DDAH1: variants seen among roughly 807,000 people sequenced by gnomAD.
DDAH1 encodes the protein N(G),N(G)-dimethylarginine dimethylaminohydrolase 1.
In DDAH1, 19 loss-of-function variants were observed where a neutral mutation model predicts 28.8. The ratio of observed to expected loss-of-function variants is 0.66; its 90% CI spans 0.46 to 0.97. The LOEUF is 0.97. Ranked by LOEUF, DDAH1 falls within the 50% of genes least tolerant of loss-of-function variation. DDAH1 has a pLI of 0.00. For missense variants in DDAH1, 326 were observed against 375.9 expected (o/e 0.87, Z 1.10); for synonymous variants, 153 against 154.4 (o/e 0.99, Z 0.07).
chr1:85,372,835 C>G (rs1158372517), intron 1 of DDAH1, among the ~76,000 whole-genome samples: 1 of 151,944 alleles, frequency 6.6e-6, no homozygotes, highest in East Asian at 1.9e-4. Flanking sequence ...TTCCTTGAAC[C>G]AAGGCAGAGC....
chr1:85,501,634 A>G (rs1322238271), intron 1 of DDAH1, among the ~76,000 whole-genome samples: 11 of 152,142 alleles, frequency 7.2e-5, no homozygotes, highest in Non-Finnish European at 1.6e-4. Flanking sequence ...AGCAACCATT[A>G]TCAACTTGGG....
At chr1:85,415,005 C>CTTTTTTTTTTTTTTTTT (rs71727580) in intron 1 of DDAH1, among the ~76,000 whole-genome samples, 1 of 57,566 alleles carries the variant, frequency 1.7e-5, no homozygotes, top group African/African-American at 6.4e-5. Context: ...TCAAGTGTTG[C>CTTTTTTTTTTTTTTTTT]TTTTTTTTTT....
intron 4 of DDAH1, among the ~76,000 whole-genome samples, chr1:85,342,692 T>A (rs944542037): frequency 2.0e-5 from 3 of 152,350 alleles, no homozygotes; most frequent in Middle Eastern, 3.4e-3. Flanking sequence ...TCGGGATATG[T>A]TATTTTGCAC....
chr1:85,572,034 C>T (rs1659472468), intron 1 of DDAH1, among the ~76,000 whole-genome samples: 1 of 152,128 alleles, frequency 6.6e-6, no homozygotes, highest in African/African-American at 2.4e-5. Context: ...TAACCACAGG[C>T]TGTGGGAGGT....
chr1:85,427,170 A>T (rs900430671), intron 1 of DDAH1, among the ~76,000 whole-genome samples: 4 of 151,962 alleles, frequency 2.6e-5, no homozygotes, highest in African/African-American at 9.7e-5. Context: ...AAGAGAATAC[A>T]GGTCTCTGAT....
chr1:85,346,412 G>T (rs1404465533), intron 4 of DDAH1, among the ~76,000 whole-genome samples: 1 of 152,152 alleles, frequency 6.6e-6, no homozygotes, highest in African/African-American at 2.4e-5. Context: ...TCAGGAGATA[G>T]GTGGAAAGAC....
chr1:85,430,032 C>T (rs1284699822), intron 1 of DDAH1, among the ~76,000 whole-genome samples: 1 of 151,840 alleles, frequency 6.6e-6, no homozygotes, highest in African/African-American at 2.4e-5. Context: ...TCAATTTTGG[C>T]AAATTTGTCA....
intron 1 of DDAH1, among the ~76,000 whole-genome samples, chr1:85,418,974 A>G (rs963658877): frequency 6.6e-6 from 1 of 152,144 alleles, no homozygotes; most frequent in Non-Finnish European, 1.5e-5. Flanking sequence ...AGAGGGAAAG[A>G]GCCTTCCATG....
chr1:85,501,524 A>G (rs1250304455), intron 1 of DDAH1, among the ~76,000 whole-genome samples: 1 of 152,162 alleles, frequency 6.6e-6, no homozygotes, highest in African/African-American at 2.4e-5. Context: ...AGATTTCTGG[A>G]CCTGTTTCTC....
At chr1:85,531,799 T>C (rs1247568217) in intron 1 of DDAH1, among the ~76,000 whole-genome samples, 2 of 144,724 alleles carry the variant, frequency 1.4e-5, no homozygotes, top group African/African-American at 5.2e-5. Context: ...AATAAAACAA[T>C]GTAGGTACTA....
chr1:85,372,771 AGTATAATGAAATTAGAT>A (rs1241351952), intron 1 of DDAH1, among the ~76,000 whole-genome samples: 1 of 152,150 alleles, frequency 6.6e-6, no homozygotes, highest in Non-Finnish European at 1.5e-5. Flanking sequence ...TATGAGGCAG[AGTATAATGAAATTAGAT>A]TCTCATAAAT....
intron 1 of DDAH1, among the ~76,000 whole-genome samples, chr1:85,459,945 A>T (rs1655056234): frequency 6.6e-6 from 1 of 152,226 alleles, no homozygotes; most frequent in Non-Finnish European, 1.5e-5. Flanking sequence ...ATTTAATGTT[A>T]TGTTAGGATT....
intron 1 of DDAH1, among the ~76,000 whole-genome samples, chr1:85,537,483 AT>A (rs1658330137): frequency 2.4e-5 from 3 of 126,306 alleles, no homozygotes; most frequent in African/African-American, 3.1e-5. Context: ...AAAAAAAAAG[AT>A]TGCTATCACA....
chr1:85,324,307 A>C (rs1002684270), intron 5 of DDAH1, among the ~76,000 whole-genome samples: 6 of 149,770 alleles, frequency 4.0e-5, no homozygotes, highest in Non-Finnish European at 7.4e-5. Context: ...AATAAATAAA[A>C]AAATAAAAAG....
intron 2 of DDAH1, among the ~76,000 whole-genome samples, chr1:85,489,576 G>A (rs1428343657): frequency 6.6e-6 from 1 of 152,100 alleles, no homozygotes; most frequent in African/African-American, 2.4e-5. Context: ...GAATTTGTTG[G>A]TGGTTTCAAG....
chr1:85,521,597 C>T lies in DDAH1; in HGVS notation c.-122-25316G>A, dbSNP rs1263258570. 2.8e-5 allele frequency: 27 copies of T among 979,122 alleles called. No homozygotes were observed. In the South Asian group the frequency reaches 1.3e-3, roughly 46 times the overall value. The allele number at this position is 979,122 out of a possible 1,614,324, so 60.7% of individuals were successfully genotyped here. A position where few individuals can be genotyped will look rare whatever the true frequency, so the allele number is the denominator to read the frequency against. ...GGCCATTTGCTACTAATAATAAAAC[C>T]CCAAAGACTCCATAGACTCACTCCT... On this transcript the variant is annotated intron_variant, in intron 1 of 6. Transcript: ENST00000426972.
chr1:85,504,961 C>CTTT (rs61209793), intron 1 of DDAH1, among the ~76,000 whole-genome samples: 4 of 60,778 alleles, frequency 6.6e-5, no homozygotes, highest in African/African-American at 2.9e-4. Context: ...CTCAATGATT[C>CTTT]TTTTTTTTTT....
chr1:85,513,874 G>A lies in DDAH1; in HGVS notation c.-122-17593C>T, dbSNP rs551511537. Among the ~76,000 whole-genome samples the A allele has an allele frequency of 1.2e-4, 18 of 152,334 alleles. No individual in the cohort carries two copies. The East Asian group carries it at 2.9e-3, about 24-fold the overall frequency. On this transcript the variant is annotated intron_variant, in intron 1 of 6. Transcript: ENST00000426972. ...AACAACAGATGCTGGAGAGGATGTG[G>A]AGAAATAGGAATGCTTTTACAGTGT...
intron 1 of DDAH1, among the ~76,000 whole-genome samples, chr1:85,431,133 G>A (rs1653669113): frequency 6.6e-6 from 1 of 152,092 alleles, no homozygotes; most frequent in South Asian, 2.1e-4. Flanking sequence ...GGCCCTTTCT[G>A]CATGTATTGA....
Sources: gnomAD v4.1 joint callset for allele counts (sites outside exome capture counted in the v4.1 genomes callset) on GRCh38, gnomAD v4.1.1 for gene constraint, MANE v1.5 for transcripts, NCBI Gene and HGNC (gene_info 2026-07-23, HGNC 2026-07-21) for gene names.